Variants in NUP85 observed in about 807,000 individuals in gnomAD.
NUP85 encodes the protein nuclear pore complex protein Nup85.
NUP85 carries 23 observed loss-of-function variants against 92.8 expected under a neutral mutation model. That is an observed-to-expected ratio of 0.25 (90% confidence interval 0.18 to 0.35). NUP85 has a LOEUF of 0.35. Among genes scored for constraint, NUP85 ranks in the 10% least tolerant of loss-of-function variants. The pLI is 1.00. For synonymous variants in NUP85, 314 were observed against 306.9 expected (o/e 1.02, Z -0.24); for missense variants, 759 against 822.8 (o/e 0.92, Z 0.95).
intron 5 of NUP85, among the ~76,000 whole-genome samples, chr17:75,214,599 C>T (rs2075371566): frequency 6.6e-6 from 1 of 152,218 alleles, no homozygotes; most frequent in Non-Finnish European, 1.5e-5. Flanking sequence ...TGGCTCACGC[C>T]TGTAATCCCA....
chr17:75,228,678 TG>T (rs1262944838), intron 11 of NUP85: 6 of 985,378 alleles, frequency 6.1e-6, no homozygotes, highest in Non-Finnish European at 7.2e-6. Context: ...GCTGTTGGCA[TG>T]CCTTTTTAAA....
chr17:75,215,900 A>T, intron 6 of NUP85, 77 bp downstream of exon 6: 1 of 1,233,850 alleles, frequency 8.1e-7, no homozygotes, highest in African/African-American at 1.5e-5. Flanking sequence ...TTTCCTGTGC[A>T]TGGTGATGAG....
intron 11 of NUP85, chr17:75,228,873 C>T: frequency 1.0e-6 from 1 of 985,440 alleles, no homozygotes; most frequent in African/African-American, 1.7e-5. Flanking sequence ...AGTTCGTCAG[C>T]CCTGCTAAAG....
chr17:75,225,890 C>A (rs1033353694), intron 10 of NUP85, 61 bp downstream of exon 10: 1 of 1,606,288 alleles, frequency 6.2e-7, no homozygotes, highest in Admixed American at 1.7e-5. Context: ...CCTGATGGGT[C>A]ATTCTCTTTG....
At chr17:75,208,183 C>T in intron 1 of NUP85, 1 of 235,116 alleles carries the variant, frequency 4.3e-6, no homozygotes, top group Non-Finnish European at 8.1e-6. Flanking sequence ...CGCCTGTAGT[C>T]CTAGCACTTT....
chr17:75,214,550 T>G (rs887473718), intron 5 of NUP85, among the ~76,000 whole-genome samples: 2 of 152,210 alleles, frequency 1.3e-5, no homozygotes, highest in Non-Finnish European at 2.9e-5. Flanking sequence ...ATGAAGCACC[T>G]TGCTAAAGCA....
In NUP85 at chr17:75,225,701, A is replaced by C; in HGVS notation, c.859A>C (p.Met287Leu). Residue 287 changes from methionine to leucine, a missense_variant, in exon 10 of 19, where the codon ATG becomes CTG. Physicochemically the swap from Met to Leu is conservative, Grantham distance 15. Transcript: ENST00000245544. The stretch of plus-strand genomic sequence containing the variant: ...CAGCACAAATGTCTCTCCTCAGATT[A>C]TGCTGGGAGACGAAGCTGCCTTGTT... ...SPHLESLLKI[M>L]LGDEAALLEQ... 1 of 1,614,160 alleles carries C rather than the reference A, an allele frequency of 6.2e-7. No homozygotes were observed. Among genetic ancestry groups the C allele is most frequent in the Non-Finnish European group, 8.5e-7 (1 of 1,180,024 alleles).
intron 11 of NUP85, among the ~76,000 whole-genome samples, chr17:75,226,570 A>G (rs1296151168): frequency 6.6e-6 from 1 of 152,040 alleles, no homozygotes. Flanking sequence ...TAGAGGCCCT[A>G]CCTCTTAATA....
intron 2 of NUP85, among the ~76,000 whole-genome samples, chr17:75,209,137 T>C (rs981822530): frequency 3.3e-5 from 5 of 152,196 alleles, no homozygotes; most frequent in African/African-American, 1.2e-4. Context: ...TTTTTATCCC[T>C]TTTTCTTTGT....
At chr17:75,233,216 T>C in intron 16 of NUP85, 58 bp downstream of exon 16, 16 of 1,427,348 alleles carry the variant, frequency 1.1e-5, no homozygotes, top group Non-Finnish European at 1.6e-5. Flanking sequence ...TTGGGGAGGT[T>C]GGAGGGATCA....
At chr17:75,225,023 G>C in intron 7 of NUP85, 80 bp from the exon 8 acceptor site, 2 of 1,436,108 alleles carry the variant, frequency 1.4e-6, no homozygotes, top group Non-Finnish European at 1.9e-6. Flanking sequence ...GCCAAAGTGT[G>C]GGGTGAGGGG....
chr17:75,218,150 A>T (rs1216168658), intron 6 of NUP85, 35 bp from the exon 7 acceptor site: 1 of 1,612,968 alleles, frequency 6.2e-7, no homozygotes, highest in African/African-American at 1.3e-5. Flanking sequence ...GATGAAGCTG[A>T]GGCTTTTGTG....
chr17:75,206,482 T>C (rs1400340771), intron 1 of NUP85, among the ~76,000 whole-genome samples: 1 of 151,852 alleles, frequency 6.6e-6, no homozygotes, highest in Non-Finnish European at 1.5e-5. Flanking sequence ...AGACCTGTGC[T>C]TTTTCCAAAG....
intron 7 of NUP85, among the ~76,000 whole-genome samples, chr17:75,221,007 G>A (rs933136121): frequency 6.7e-6 from 1 of 149,400 alleles, no homozygotes; most frequent in Admixed American, 6.7e-5. Context: ...TCAGCCTCCC[G>A]AGTAGCTGGG....
At chr17:75,225,505 AT>A (rs2075756563) in intron 9 of NUP85, 41 bp downstream of exon 9, 1 of 1,604,524 alleles carries the variant, frequency 6.2e-7, no homozygotes, top group African/African-American at 1.3e-5. Flanking sequence ...TTGGCTTCCT[AT>A]GGGGGCTGTG....
intron 5 of NUP85, among the ~76,000 whole-genome samples, chr17:75,214,667 T>G (rs1444013802): frequency 6.6e-6 from 1 of 151,654 alleles, no homozygotes; most frequent in South Asian, 2.1e-4. Context: ...GAAACTAGCC[T>G]GGCCAACACG....
intron 11 of NUP85, 132 bp downstream of exon 11, chr17:75,226,289 G>A (rs1319359764): frequency 1.1e-5 from 7 of 658,452 alleles, no homozygotes; most frequent in Non-Finnish European, 1.9e-5. Flanking sequence ...ATCTCACGCT[G>A]ATATTACAGA....
At chr17:75,210,329 C>T (rs1029459886) in intron 3 of NUP85, among the ~76,000 whole-genome samples, 8 of 152,142 alleles carry the variant, frequency 5.3e-5, no homozygotes, top group African/African-American at 1.9e-4. Flanking sequence ...ACAGTTTTGT[C>T]TCTAAAAAAT....
At chr17:75,229,066 G>C (rs529813512) in intron 11 of NUP85, 6 of 985,484 alleles carry the variant, frequency 6.1e-6, no homozygotes, top group Non-Finnish European at 7.2e-6. Flanking sequence ...ACTTCACTGG[G>C]AGTTGGGCAA....
Sources: gnomAD v4.1 joint callset for allele counts (sites outside exome capture counted in the v4.1 genomes callset) on GRCh38, gnomAD v4.1.1 for gene constraint, MANE v1.5 for transcripts, NCBI Gene and HGNC (gene_info 2026-07-23, HGNC 2026-07-21) for gene names.